FHIT: variants seen among roughly 807,000 people sequenced by gnomAD.
FHIT encodes fragile histidine triad diadenosine triphosphatase, also known as bis(5'-adenosyl)-triphosphatase.
FHIT carries 19 observed loss-of-function variants against 17.9 expected under a neutral mutation model. The ratio of observed to expected loss-of-function variants is 1.06; its 90% CI spans 0.74 to 1.56. The LOEUF is 1.56. Ranked by LOEUF, FHIT falls within the 40% of genes most tolerant of loss-of-function variation. The pLI, the probability that FHIT is intolerant of heterozygous loss-of-function variation, is 0.00. For missense variants in FHIT, 248 were observed against 189.2 expected (o/e 1.31, Z -1.82); for synonymous variants, 81 against 69.7 (o/e 1.16, Z -0.81).
At chr3:60,351,438 G>T (rs886629185) in intron 5 of FHIT, among the ~76,000 whole-genome samples, 6 of 152,110 alleles carry the variant, frequency 3.9e-5, no homozygotes, top group African/African-American at 1.4e-4. Context: ...AATGAGAAAG[G>T]CACATTTTCT....
At chr3:60,208,007 A>T (rs1703280353) in intron 5 of FHIT, among the ~76,000 whole-genome samples, 1 of 152,198 alleles carries the variant, frequency 6.6e-6, no homozygotes, top group Non-Finnish European at 1.5e-5. Context: ...TCCAACAAAC[A>T]ATGAGGCAAC....
At chr3:60,285,965 C>A (rs1707707613) in intron 5 of FHIT, among the ~76,000 whole-genome samples, 1 of 152,150 alleles carries the variant, frequency 6.6e-6, no homozygotes, top group South Asian at 2.1e-4. Context: ...CGTGATTTGG[C>A]TTCTCTCACA....
intron 3 of FHIT, among the ~76,000 whole-genome samples, chr3:60,927,250 C>T (rs999952266): frequency 5.3e-5 from 8 of 152,242 alleles, no homozygotes; most frequent in Non-Finnish European, 7.3e-5. Flanking sequence ...ATCTGCCCGC[C>T]TCGGCCTCCC....
chr3:60,902,230 G>A (rs1372294751), intron 3 of FHIT, among the ~76,000 whole-genome samples: 1 of 152,108 alleles, frequency 6.6e-6, no homozygotes, highest in Non-Finnish European at 1.5e-5. Flanking sequence ...AATTTTGCCT[G>A]TTCAAAAACA....
At chr3:60,188,814 T>C (rs1425550184) in intron 5 of FHIT, among the ~76,000 whole-genome samples, 2 of 152,166 alleles carry the variant, frequency 1.3e-5, no homozygotes, top group African/African-American at 2.4e-5. Context: ...CCACCTTGTA[T>C]TCTTAAGAAT....
intron 5 of FHIT, among the ~76,000 whole-genome samples, chr3:60,244,090 T>C (rs1705269768): frequency 6.6e-6 from 1 of 152,098 alleles, no homozygotes; most frequent in Admixed American, 6.6e-5. Flanking sequence ...ATCAAGCCAG[T>C]ATATATATTA....
intron 7 of FHIT, among the ~76,000 whole-genome samples, chr3:59,953,214 C>A (rs186325037): frequency 6.6e-6 from 1 of 151,948 alleles, no homozygotes; most frequent in East Asian, 1.9e-4. Flanking sequence ...CTGTCCCTGT[C>A]TCTACGTGTG....
intron 5 of FHIT, among the ~76,000 whole-genome samples, chr3:60,097,829 G>A (rs1331047716): frequency 6.8e-5 from 10 of 147,410 alleles, no homozygotes; most frequent in African/African-American, 2.5e-4. Flanking sequence ...TCATCATTTA[G>A]CATTAGGTAT....
chr3:60,810,627 T>G (rs1228086624), intron 4 of FHIT, among the ~76,000 whole-genome samples: 2 of 152,218 alleles, frequency 1.3e-5, no homozygotes, highest in African/African-American at 4.8e-5. Context: ...TTGGCAAAGC[T>G]GTCACTAATG....
intron 7 of FHIT, among the ~76,000 whole-genome samples, chr3:59,977,871 G>C (rs535682710): frequency 6.6e-6 from 1 of 152,274 alleles, no homozygotes; most frequent in Admixed American, 6.5e-5. Flanking sequence ...AAGAAAGAGA[G>C]TGATATTTGG....
chr3:60,183,866 T>C (rs949031087), intron 5 of FHIT, among the ~76,000 whole-genome samples: 3 of 152,166 alleles, frequency 2.0e-5, no homozygotes, highest in Non-Finnish European at 4.4e-5. Flanking sequence ...ACAGAAAAAT[T>C]ATAAAGAGTT....
At chr3:61,140,064 C>A (rs1377394826) in intron 2 of FHIT, among the ~76,000 whole-genome samples, 1 of 150,960 alleles carries the variant, frequency 6.6e-6, no homozygotes, top group Non-Finnish European at 1.5e-5. Flanking sequence ...GGCATTAAAG[C>A]ATAAAGGTCA....
chr3:59,873,940 T>C (rs959547210), intron 8 of FHIT, among the ~76,000 whole-genome samples: 5 of 152,318 alleles, frequency 3.3e-5, no homozygotes, highest in East Asian at 1.9e-4. Flanking sequence ...AACAAATTAG[T>C]ATGAAGCCTT....
At chr3:60,790,539 C>T (rs1345424428) in intron 4 of FHIT, among the ~76,000 whole-genome samples, 1 of 152,146 alleles carries the variant, frequency 6.6e-6, no homozygotes, top group African/African-American at 2.4e-5. Context: ...TTTTAGGGAA[C>T]AGAAACCTGC....
At chr3:61,108,282 A>T (rs1014145780) in intron 2 of FHIT, among the ~76,000 whole-genome samples, 3 of 152,184 alleles carry the variant, frequency 2.0e-5, no homozygotes, top group African/African-American at 7.2e-5. Context: ...TTCAAAAAAA[A>T]GTGCTGCTAC....
chr3:60,821,396 C>A (rs190657165), intron 4 of FHIT, among the ~76,000 whole-genome samples: 16 of 152,266 alleles, frequency 1.1e-4, no homozygotes, highest in African/African-American at 3.8e-4. Context: ...CAGCATATGC[C>A]CTAGGACTTC....
intron 4 of FHIT, among the ~76,000 whole-genome samples, chr3:60,681,835 T>C (rs1425466527): frequency 1.3e-5 from 2 of 152,132 alleles, no homozygotes; most frequent in African/African-American, 2.4e-5. Context: ...TAGCAGAGGC[T>C]GATTCATGAG....
At chr3:59,980,329 A>G (rs994380022) in intron 7 of FHIT, among the ~76,000 whole-genome samples, 3 of 152,204 alleles carry the variant, frequency 2.0e-5, no homozygotes, top group Non-Finnish European at 4.4e-5. Flanking sequence ...ACTCTTAAAA[A>G]TAACACACAA....
intron 5 of FHIT, among the ~76,000 whole-genome samples, chr3:60,383,737 C>T (rs1197051151): frequency 1.3e-5 from 2 of 151,990 alleles, no homozygotes; most frequent in African/African-American, 2.4e-5. Context: ...TTAGGAGGTA[C>T]ATCTACTATA....
Sources: gnomAD v4.1 joint callset for allele counts (sites outside exome capture counted in the v4.1 genomes callset) on GRCh38, gnomAD v4.1.1 for gene constraint, MANE v1.5 for transcripts, NCBI Gene and HGNC (gene_info 2026-07-23, HGNC 2026-07-21) for gene names.